LRBA: variants seen among roughly 807,000 people sequenced by gnomAD.
LRBA encodes the protein LPS responsive beige-like anchor protein.
Under a neutral mutation model 330.0 loss-of-function variants are expected in LRBA, and 176 were observed. That is an observed-to-expected ratio of 0.53 (90% confidence interval 0.47 to 0.60). The LOEUF (loss-of-function observed/expected upper bound fraction) is 0.60. Ranked by LOEUF, LRBA falls within the 20% of genes least tolerant of loss-of-function variation. LRBA has a pLI of 0.00. For missense variants in LRBA, 3,259 were observed against 3,444.8 expected (o/e 0.95, Z 1.35); for synonymous variants, 1,230 against 1,193.0 (o/e 1.03, Z -0.64).
chr4:150,526,319 A>G (rs111514890), intron 40 of LRBA, among the ~76,000 whole-genome samples: 4,020 of 152,288 alleles, frequency 0.026, 162 homozygotes, highest in African/African-American at 0.09. Context: ...CCCTTGCCCT[A>G]TGGCAGACTT....
chr4:150,572,749 G>A (rs1168184489), intron 40 of LRBA, among the ~76,000 whole-genome samples: 2 of 152,104 alleles, frequency 1.3e-5, no homozygotes, highest in African/African-American at 2.4e-5. Context: ...TTTATTGACC[G>A]CCTCTGGATG....
At chr4:150,885,441 T>C (rs912480249) in intron 17 of LRBA, among the ~76,000 whole-genome samples, 63 of 151,918 alleles carry the variant, frequency 4.1e-4, no homozygotes, top group African/African-American at 1.5e-3. Context: ...ACCCACACAG[T>C]GAAACCCCAT....
At chr4:150,928,370 A>G in intron 4 of LRBA, 146 bp downstream of exon 4, 2 of 571,382 alleles carry the variant, frequency 3.5e-6, no homozygotes, top group Middle Eastern at 4.1e-4. Context: ...TGGCACGAGT[A>G]GCCACAGGGA....
chr4:150,660,382 C>T (rs1185852187), intron 37 of LRBA, among the ~76,000 whole-genome samples: 6 of 126,536 alleles, frequency 4.7e-5, no homozygotes, highest in Non-Finnish European at 7.0e-5. Flanking sequence ...CGGCCAGTGG[C>T]CCCGTCCGGG....
intron 37 of LRBA, among the ~76,000 whole-genome samples, chr4:150,650,999 G>C (rs1018829088): frequency 2.0e-5 from 3 of 152,090 alleles, no homozygotes; most frequent in Admixed American, 1.3e-4. Context: ...TTTGTGGGGA[G>C]AGAATGCAAA....
chr4:150,817,384 G>T, intron 30 of LRBA, 127 bp from the exon 31 acceptor site: 1 of 810,910 alleles, frequency 1.2e-6, no homozygotes, highest in Non-Finnish European at 2.0e-6. Context: ...TCTATTTGAT[G>T]TACAATTTAG....
At chr4:150,746,988 GT>G (rs1732827301) in intron 35 of LRBA, among the ~76,000 whole-genome samples, 1 of 152,066 alleles carries the variant, frequency 6.6e-6, no homozygotes, top group East Asian at 1.9e-4. Context: ...GATAATCACT[GT>G]ATTGTTGACA....
chr4:150,295,362 A>AT (rs1271128338), intron 53 of LRBA, among the ~76,000 whole-genome samples: 2 of 151,494 alleles, frequency 1.3e-5, no homozygotes, highest in South Asian at 2.1e-4. Flanking sequence ...CACCCAGCTA[A>AT]TTTTTTTTAC....
Position 150,548,942 on chromosome 4 carries a change from T to C in LRBA, c.6330+39106A>G, listed in dbSNP as rs567984025. On this transcript the variant is annotated intron_variant, in intron 40 of 56. Transcript: ENST00000651943. ...TCTGTGAAAGCTTTTCATTACTATA[T>C]TATAAATGTTTAGTATAAGAAAGCA... Among the ~76,000 whole-genome samples, 14 of 152,294 alleles carry C rather than the reference T, an allele frequency of 9.2e-5. No homozygotes were observed. In the South Asian group the frequency reaches 2.5e-3, roughly 27 times the overall value.
intron 36 of LRBA, among the ~76,000 whole-genome samples, chr4:150,728,244 G>A (rs1560738140): frequency 6.6e-6 from 1 of 152,020 alleles, no homozygotes; most frequent in East Asian, 1.9e-4. Flanking sequence ...AAAGCCTGGG[G>A]CCAGATGGCT....
intron 31 of LRBA, among the ~76,000 whole-genome samples, chr4:150,809,882 TACG>T (rs1743402926): frequency 6.8e-6 from 1 of 146,862 alleles, no homozygotes; most frequent in East Asian, 2.0e-4. Context: ...TACGATACGA[TACG>T]ATACGATACG....
chr4:150,354,116 C>A (rs1180159929), intron 47 of LRBA, among the ~76,000 whole-genome samples: 2 of 152,016 alleles, frequency 1.3e-5, no homozygotes, highest in Non-Finnish European at 2.9e-5. Context: ...GGAAAAAATA[C>A]AAACAGAATG....
chr4:150,535,219 G>A (rs949426429), intron 40 of LRBA, among the ~76,000 whole-genome samples: 13 of 150,468 alleles, frequency 8.6e-5, no homozygotes, highest in Non-Finnish European at 1.5e-4. Flanking sequence ...CTGAAGCCTC[G>A]AACTCTGGGG....
At chr4:150,736,046 A>G (rs1731141987) in intron 35 of LRBA, among the ~76,000 whole-genome samples, 1 of 152,176 alleles carries the variant, frequency 6.6e-6, no homozygotes, top group African/African-American at 2.4e-5. Context: ...CCATGGCAAA[A>G]CCCCAGGTTT....
chr4:150,728,253 C>A lies in LRBA; in HGVS notation c.5754+7005G>T, dbSNP rs1198439858. 2.0e-5 allele frequency among the ~76,000 whole-genome samples: 3 copies of A among 152,032 alleles called. No homozygotes were observed. In the East Asian group the frequency reaches 5.8e-4, roughly 29 times the overall value. On this transcript the variant is annotated intron_variant, in intron 36 of 56. Transcript: ENST00000651943. The stretch of plus-strand genomic sequence containing the variant: ...TAAAGAAAAGCCTGGGGCCAGATGG[C>A]TTCACTGAATTCTACCAAACATTTT...
intron 22 of LRBA, among the ~76,000 whole-genome samples, chr4:150,862,524 T>C (rs1752085866): frequency 6.6e-6 from 1 of 151,982 alleles, no homozygotes; most frequent in African/African-American, 2.4e-5. Flanking sequence ...CACTGGGGCC[T>C]GTCATGGGGT....
chr4:150,658,096 G>C (rs567307991), intron 37 of LRBA, among the ~76,000 whole-genome samples: 1 of 152,144 alleles, frequency 6.6e-6, no homozygotes, highest in East Asian at 1.9e-4. Flanking sequence ...TGAGTCAAAG[G>C]AGATAGCCTT....
chr4:150,670,927 C>G (rs977307782), intron 37 of LRBA, among the ~76,000 whole-genome samples: 2 of 151,850 alleles, frequency 1.3e-5, no homozygotes, highest in Non-Finnish European at 2.9e-5. Context: ...CTTTCTCCCC[C>G]ACAATTATTG....
At chr4:150,911,641 T>C (rs889099190) in intron 9 of LRBA, among the ~76,000 whole-genome samples, 2 of 152,218 alleles carry the variant, frequency 1.3e-5, no homozygotes, top group Non-Finnish European at 2.9e-5. Flanking sequence ...TCAGGGATAT[T>C]AGTCTATAGT....
Sources: allele counts gnomAD v4.1 joint callset (sites outside exome capture counted in the v4.1 genomes callset), GRCh38; gene constraint gnomAD v4.1.1; transcripts MANE v1.5; gene names NCBI Gene and HGNC (gene_info 2026-07-23, HGNC 2026-07-21).